Variants in PLOD2 observed in about 807,000 individuals in gnomAD.
PLOD2 encodes the protein procollagen-lysine,2-oxoglutarate 5-dioxygenase 2.
A neutral mutation model predicts 101.0 loss-of-function variants in PLOD2; 65 were observed. The ratio of observed to expected loss-of-function variants is 0.64; its 90% CI spans 0.53 to 0.79. PLOD2 has a LOEUF of 0.79. Among genes scored for constraint, PLOD2 ranks in the 30% least tolerant of loss-of-function variants. The pLI is 0.00. For synonymous variants in PLOD2, 314 were observed against 302.9 expected (o/e 1.04, Z -0.38); for missense variants, 909 against 914.6 (o/e 0.99, Z 0.08).
intron 1 of PLOD2, among the ~76,000 whole-genome samples, chr3:146,157,639 A>C (rs1427818110): frequency 6.6e-6 from 1 of 152,210 alleles, no homozygotes. Flanking sequence ...TTATTTTAAG[A>C]TGCTTTGTCC....
chr3:146,124,453 A>C (rs1205677309), intron 1 of PLOD2, among the ~76,000 whole-genome samples: 1 of 152,162 alleles, frequency 6.6e-6, no homozygotes, highest in Non-Finnish European at 1.5e-5. Flanking sequence ...AACGCAAAAA[A>C]GTATATTGAT....
intron 1 of PLOD2, among the ~76,000 whole-genome samples, chr3:146,153,519 C>T (rs919262269): frequency 3.3e-5 from 5 of 152,144 alleles, no homozygotes; most frequent in African/African-American, 1.2e-4. Flanking sequence ...TAGTCAATGA[C>T]AGAGCAGCCT....
At chr3:146,078,616 C>A (rs974332887) in intron 13 of PLOD2, among the ~76,000 whole-genome samples, 8 of 151,834 alleles carry the variant, frequency 5.3e-5, no homozygotes, top group Non-Finnish European at 1.2e-4. Flanking sequence ...TGTATCTCAA[C>A]ACTTCTACTA....
intron 4 of PLOD2, 97 bp from the exon 5 acceptor site, chr3:146,106,741 T>C: frequency 1.3e-6 from 1 of 763,240 alleles, no homozygotes; most frequent in Non-Finnish European, 2.4e-6. Flanking sequence ...AGTTGTGAAG[T>C]CATGAAGCCT....
intron 4 of PLOD2, 38 bp downstream of exon 4, chr3:146,110,247 T>C: frequency 6.3e-7 from 1 of 1,584,372 alleles, no homozygotes; most frequent in South Asian, 1.1e-5. Flanking sequence ...TTAGTCTTTA[T>C]AACTTGCATT....
chr3:146,155,437 G>T (rs1007168395), intron 1 of PLOD2, among the ~76,000 whole-genome samples: 3 of 151,852 alleles, frequency 2.0e-5, no homozygotes, highest in African/African-American at 7.3e-5. Context: ...CATTGGCCAG[G>T]CGCGGTGGCT....
chr3:146,134,859 ATAAC>A (rs1312623530), intron 1 of PLOD2, among the ~76,000 whole-genome samples: 1 of 152,194 alleles, frequency 6.6e-6, no homozygotes, highest in Non-Finnish European at 1.5e-5. Flanking sequence ...CTGAATCAAG[ATAAC>A]ATTTTATTCT....
In PLOD2 at chr3:146,153,060, A is replaced by G. The variant is rs201905900; in HGVS notation, c.109+7821T>C. Among the ~76,000 whole-genome samples the G allele has an allele frequency of 2.0e-5, 3 of 152,266 alleles. No individual in the cohort carries two copies. In the East Asian group the frequency reaches 5.8e-4, roughly 29 times the overall value. On this transcript the variant is annotated intron_variant, in intron 1 of 19. Coordinates refer to ENST00000282903, the MANE Select transcript of PLOD2 (RefSeq NM_182943.3). ...TGGTCACCACTGTGGTGCCAGCTGG[A>G]GGCCAGGAAAGAACCAGCATAGCCA...
chr3:146,095,720 G>A (rs560658937), intron 7 of PLOD2, among the ~76,000 whole-genome samples: 1 of 152,038 alleles, frequency 6.6e-6, no homozygotes, highest in Non-Finnish European at 1.5e-5. Context: ...TATATCCAAA[G>A]GATTCTAAGT....
intron 1 of PLOD2, among the ~76,000 whole-genome samples, chr3:146,143,194 A>G (rs1212816396): frequency 2.6e-5 from 4 of 152,042 alleles, no homozygotes; most frequent in Non-Finnish European, 4.4e-5. Context: ...TTTAGATAAC[A>G]TTACAGACAC....
At chr3:146,085,307 C>T in intron 10 of PLOD2, 34 bp from the exon 11 acceptor site, 1 of 1,045,780 alleles carries the variant, frequency 9.6e-7, no homozygotes, top group Non-Finnish European at 1.5e-6. Context: ...ATGGGCATGA[C>T]ATAAAATAAA....
intron 7 of PLOD2, among the ~76,000 whole-genome samples, chr3:146,096,734 C>A (rs1198764966): frequency 6.7e-6 from 1 of 149,832 alleles, no homozygotes; most frequent in African/African-American, 2.5e-5. Flanking sequence ...CCGGAAGCCA[C>A]CCCGTCCGGG....
At chr3:146,160,710 G>A in intron 1 of PLOD2, 171 bp downstream of exon 1, 2 of 590,252 alleles carry the variant, frequency 3.4e-6, no homozygotes, top group Non-Finnish European at 6.1e-6. Flanking sequence ...CACTTCCCCA[G>A]GGACCAGCGC....
chr3:146,146,389 G>C (rs1030920319), intron 1 of PLOD2, among the ~76,000 whole-genome samples: 1 of 152,042 alleles, frequency 6.6e-6, no homozygotes, highest in Admixed American at 6.5e-5. Flanking sequence ...AAAAACAGAT[G>C]GTCCTATCCC....
In PLOD2 at chr3:146,079,242, G is replaced by C. The variant is rs1430605049; in HGVS notation, c.1374C>G (p.Val458=). 1 of 1,605,276 alleles carries C rather than the reference G, an allele frequency of 6.2e-7. No homozygotes were observed. Among genetic ancestry groups the C allele is most frequent in the South Asian group, 1.1e-5 (1 of 90,866 alleles). ...TTAAGTACACATTAGCCATATATGG[G>C]ACATTCCATACTCCTCTGAAAGTAA... ...VQGNRVGVWN[V]PYMANVYLIK... Residue 458 remains valine, a synonymous_variant, in exon 13 of 20, where the codon GTC becomes GTG. Transcript: ENST00000282903.
chr3:146,088,886 G>GC lies in PLOD2; in HGVS notation c.880-176dup, dbSNP rs1317951987. ...CTAACACTTGAAACAAATTTTTGTG[G>GC]CCCCCCCAATCAAAGTGATTTTACT... On this transcript the variant is annotated intron_variant, in intron 8 of 19. Transcript: ENST00000282903. 404 of 588,256 alleles carry GC rather than the reference G, an allele frequency of 6.9e-4. 1 individual carries two copies. Among genetic ancestry groups the GC allele is most frequent in the East Asian group, 6.1e-3 (206 of 33,818 alleles). 36.4% of individuals were successfully genotyped at this position (588,256 alleles called of 1,614,324 possible). A position where few individuals can be genotyped will look rare whatever the true frequency, so the allele number is the denominator to read the frequency against.
chr3:146,070,900 T>C, intron 19 of PLOD2, 28 bp from the exon 20 acceptor site: 2 of 1,578,812 alleles, frequency 1.3e-6, no homozygotes, highest in Non-Finnish European at 1.7e-6. Context: ...AAGAAATACA[T>C]CAGATTATAT....
chr3:146,112,275 A>G (rs12496358), intron 3 of PLOD2, among the ~76,000 whole-genome samples: 61,860 of 152,088 alleles, frequency 0.41, 12,943 homozygotes, highest in East Asian at 0.56. Flanking sequence ...TAAACTGGAA[A>G]AAGAAAATGT....
At chr3:146,149,705 CT>C (rs2031967745) in intron 1 of PLOD2, among the ~76,000 whole-genome samples, 1 of 152,132 alleles carries the variant, frequency 6.6e-6, no homozygotes, top group Non-Finnish European at 1.5e-5. Context: ...GACTCAGCTA[CT>C]GGTATTTATT....
Sources: allele counts gnomAD v4.1 joint callset (sites outside exome capture counted in the v4.1 genomes callset), GRCh38; gene constraint gnomAD v4.1.1; transcripts MANE v1.5; gene names NCBI Gene and HGNC (gene_info 2026-07-23, HGNC 2026-07-21).